Variants in TSHZ1 observed in about 807,000 individuals in gnomAD.
TSHZ1 encodes teashirt zinc finger homeobox 1, also known as teashirt homolog 1.
In TSHZ1, 12 loss-of-function variants were observed where a neutral mutation model predicts 67.1. The observed-to-expected ratio is 0.18, with a 90% CI of 0.11 to 0.29. The LOEUF (loss-of-function observed/expected upper bound fraction) is 0.29, where lower values mean the gene tolerates loss of function less well. Ranked by LOEUF, TSHZ1 falls within the 10% of genes least tolerant of loss-of-function variation. The pLI is 1.00. For synonymous variants in TSHZ1, 632 were observed against 622.4 expected (o/e 1.02, Z -0.23); for missense variants, 1,305 against 1,413.9 (o/e 0.92, Z 1.23).
Position 75,289,155 on chromosome 18 carries a change from TA to T in TSHZ1, c.*520del, listed in dbSNP as rs2023828383. On this transcript the variant is annotated 3_prime_UTR_variant, in exon 2 of 2. Coordinates refer to ENST00000580243, the MANE Select transcript of TSHZ1 (RefSeq NM_001308210.2). The stretch of plus-strand genomic sequence containing the variant: ...TCAGACACAAAACTTATTTAATAAT[TA>T]AAAAATGAGCTTTTATATGCAGAAC... The T allele has an allele frequency of 6.0e-6, 1 of 167,058 alleles. No individual in the cohort carries two copies. Among genetic ancestry groups the T allele is most frequent in the Admixed American group, 6.5e-5 (1 of 15,284 alleles). The allele number at this position is 167,058 out of a possible 1,614,324, so 10.3% of individuals were successfully genotyped here.
intron 1 of TSHZ1, among the ~76,000 whole-genome samples, chr18:75,231,389 G>A (rs1041368550): frequency 1.3e-5 from 2 of 152,160 alleles, no homozygotes; most frequent in African/African-American, 4.8e-5. Flanking sequence ...TCTGGCCTGG[G>A]GCTTCTCCCC....
rs975008159 is a variant in TSHZ1 at position 75,287,934 on chromosome 18, A to T, written c.2527A>T (p.Met843Leu). The T allele has an allele frequency of 1.6e-5, 26 of 1,614,096 alleles. No individual in the cohort carries two copies. Among genetic ancestry groups the T allele is most frequent in the Middle Eastern group, 1.6e-4 (1 of 6,084 alleles). The change falls in exon 2 of 2, where the codon ATG (methionine) becomes TTG (leucine). Residue 843 changes from methionine (M) to leucine (L), a missense_variant. By Grantham distance (15) the Met-to-Leu change is conservative. Transcript: ENST00000580243. The surrounding 1 kb of genome is among the most constrained non-coding windows in gnomAD (Gnocchi z 5.0). Reference sequence around the variant, plus strand: ...GAGCGCACTCATGGACATCTCCGACATGGTGAAAAACCTCACAGGCCGCCT... The same window carrying T: ...GAGCGCACTCATGGACATCTCCGACTTGGTGAAAAACCTCACAGGCCGCCT... ...RESALMDISD[M>L]VKNLTGRLTP...
In TSHZ1 at chr18:75,287,303, C is replaced by A; in HGVS notation, c.1896C>A (p.His632Gln). 2 of 1,614,134 alleles carry A rather than the reference C, an allele frequency of 1.2e-6. No individual in the cohort carries two copies. Among genetic ancestry groups the A allele is most frequent in the Non-Finnish European group, 1.7e-6 (2 of 1,180,026 alleles). Residue 632 changes from histidine (H) to glutamine (Q), a missense_variant, in exon 2 of 2, where the codon CAC becomes CAA. By Grantham distance (24) the His-to-Gln change is conservative. This residue lies in a region of TSHZ1 where 909 missense variants were observed against 961.8 expected (regional missense o/e 0.95). Coordinates refer to ENST00000580243, the MANE Select transcript of TSHZ1 (RefSeq NM_001308210.2). This position sits in a 1 kb window ranked among gnomAD's most constrained non-coding sequence, Gnocchi z 5.0. ...CAGGGAGCCTCACGCCCCCACCGCACAAGAGCAACGTGTCTGCCATGGAGG... is the reference window on the plus strand; with the variant it reads ...CAGGGAGCCTCACGCCCCCACCGCAAAAGAGCAACGTGTCTGCCATGGAGG... ...HSPGSLTPPP[H>Q]KSNVSAMEEL...
chr18:75,230,808 G>T (rs1319061847), intron 1 of TSHZ1, among the ~76,000 whole-genome samples: 1 of 152,174 alleles, frequency 6.6e-6, no homozygotes, highest in Non-Finnish European at 1.5e-5. Flanking sequence ...ACAAAGGAGG[G>T]TGTGGAAAAT....
intron 1 of TSHZ1, chr18:75,284,001 T>C (rs1015520642): frequency 7.2e-5 from 11 of 152,596 alleles, no homozygotes; most frequent in Admixed American, 4.6e-4. Flanking sequence ...GTCAGATGAA[T>C]GCATTTTAAT....
chr18:75,250,337 G>A (rs188567299), intron 1 of TSHZ1, among the ~76,000 whole-genome samples: 2 of 152,234 alleles, frequency 1.3e-5, no homozygotes, highest in African/African-American at 2.4e-5. Flanking sequence ...GCCCAGCCCC[G>A]GCAGGAGCTT....
chr18:75,271,945 G>T (rs17056771), intron 1 of TSHZ1, among the ~76,000 whole-genome samples: 1 of 152,098 alleles, frequency 6.6e-6, no homozygotes, highest in Admixed American at 6.5e-5. Context: ...TTCCTTCTCC[G>T]CTCGCTTCCT....
In TSHZ1 at chr18:75,288,905, G is replaced by T; in HGVS notation, c.*264G>T. 2.7e-6 allele frequency: 1 copy of T among 365,638 alleles called. No homozygotes were observed. The allele number at this position is 365,638 out of a possible 1,614,324, so 22.6% of individuals were successfully genotyped here. ...GCTATCTTTTGTAGGAAATAGTGGG[G>T]CACACTACTCAGAGACATTATTTAG... On this transcript the variant is annotated 3_prime_UTR_variant, in exon 2 of 2. Coordinates refer to ENST00000580243, the MANE Select transcript of TSHZ1 (RefSeq NM_001308210.2). This position sits in a 1 kb window ranked among gnomAD's most constrained non-coding sequence, Gnocchi z 4.9.
rs1425043288 is a variant in TSHZ1, at chr18:75,288,004, A to G, written c.2597A>G (p.Asp866Gly). 1.2e-6 allele frequency: 2 copies of G among 1,614,088 alleles called. No individual in the cohort carries two copies. Among genetic ancestry groups the G allele is most frequent in the Non-Finnish European group, 1.7e-6 (2 of 1,180,046 alleles). Residue 866 changes from aspartate (D) to glycine (G), a missense_variant, in exon 2 of 2, where the codon GAT becomes GGT. Transcript: ENST00000580243. This position sits in a 1 kb window ranked among gnomAD's most constrained non-coding sequence, Gnocchi z 4.9. ...STPSTVSEKSDADGSSFEEAL... is the reference protein window; with the variant it reads ...STPSTVSEKSGADGSSFEEAL... Reference sequence around the variant, plus strand: ...CCCTCCACAGTTTCAGAGAAGTCCGATGCTGATGGCAGCAGCTTTGAGGAG... The same window carrying G: ...CCCTCCACAGTTTCAGAGAAGTCCGGTGCTGATGGCAGCAGCTTTGAGGAG...
chr18:75,265,938 T>G (rs1371863973), intron 1 of TSHZ1, among the ~76,000 whole-genome samples: 1 of 152,194 alleles, frequency 6.6e-6, no homozygotes, highest in East Asian at 1.9e-4. Context: ...GGGAATCAGT[T>G]TACAAAAGTG....
chr18:75,222,992 G>A (rs10164148), intron 1 of TSHZ1, among the ~76,000 whole-genome samples: 3 of 152,028 alleles, frequency 2.0e-5, no homozygotes, highest in East Asian at 1.9e-4. Context: ...GGATCCTTCC[G>A]TTCATTTGTT....
At position 75,276,884 on chromosome 18, in the gene TSHZ1, G is replaced by T. The variant is rs1197487938; in HGVS notation, c.41-8564G>T. On this transcript the variant is annotated intron_variant, in intron 1 of 1. Coordinates refer to ENST00000580243, the MANE Select transcript of TSHZ1 (RefSeq NM_001308210.2). ...TTTGAACATCCATTCGTCTTTCACA[G>T]CCAGCTCTCACTTACGTGTGCTAAT... Among the ~76,000 whole-genome samples, 6 of 152,216 alleles carry T rather than the reference G, an allele frequency of 3.9e-5. No homozygotes were observed. The East Asian group carries it at 1.2e-3, about 29-fold the overall frequency.
intron 1 of TSHZ1, among the ~76,000 whole-genome samples, chr18:75,278,001 A>C (rs2023635468): frequency 6.6e-6 from 1 of 152,090 alleles, no homozygotes; most frequent in South Asian, 2.1e-4. Flanking sequence ...TCCAGACATC[A>C]AATCCGTACC....
At position 75,244,378 on chromosome 18, in the gene TSHZ1, C is replaced by T. The variant is rs117336310; in HGVS notation, c.40+32462C>T. 4.7e-3 allele frequency among the ~76,000 whole-genome samples: 710 copies of T among 152,342 alleles called. 13 individuals carry two copies. The highest frequency in any genetic ancestry group is 2.6e-3 in the Non-Finnish European group (178 of 68,028). On this transcript the variant is annotated intron_variant, in intron 1 of 1. Coordinates refer to ENST00000580243, the MANE Select transcript of TSHZ1 (RefSeq NM_001308210.2). ...AACCATTTTTGAGTGTCTGTCCTCT[C>T]CAAGGCATTCTACTGAACATTTTGA...
chr18:75,228,093 A>G (rs1012128805), intron 1 of TSHZ1, among the ~76,000 whole-genome samples: 7 of 152,222 alleles, frequency 4.6e-5, no homozygotes, highest in Non-Finnish European at 1.0e-4. Context: ...CAGGGGAGGG[A>G]CAACCTGAAA....
intron 1 of TSHZ1, among the ~76,000 whole-genome samples, chr18:75,223,223 C>T (rs117407934): frequency 3.5e-4 from 54 of 152,222 alleles, no homozygotes; most frequent in Non-Finnish European, 6.6e-4. Flanking sequence ...TATATAAATT[C>T]GTTTGTCTGT....
In TSHZ1 at chr18:75,287,193, G is replaced by A. The variant is rs139729915; in HGVS notation, c.1786G>A (p.Val596Met). 88 of 1,613,510 alleles carry A rather than the reference G, an allele frequency of 5.5e-5. 1 individual carries two copies. Among genetic ancestry groups the A allele is most frequent in the Admixed American group, 4.3e-4 (26 of 59,982 alleles). The change falls in exon 2 of 2, where the codon GTG (valine) becomes ATG (methionine). Residue 596 changes from valine to methionine, a missense_variant. Val to Met is a conservative substitution (Grantham distance 21). Transcript: ENST00000580243. The surrounding 1 kb of genome is among the most constrained non-coding windows in gnomAD (Gnocchi z 5.0). ...PGTVKPLPAA[V>M]QSVQVQPSYA... ...CACCGTGAAGCCACTGCCGGCGGCC[G>A]TGCAGAGCGTGCAGGTGCAGCCGTC... is the stretch of plus-strand genomic sequence containing the variant.
At chr18:75,226,991 C>T (rs1049502365) in intron 1 of TSHZ1, among the ~76,000 whole-genome samples, 5 of 152,172 alleles carry the variant, frequency 3.3e-5, no homozygotes, top group African/African-American at 1.2e-4. Context: ...TTGTTCCAAG[C>T]CCAGGAACAC....
chr18:75,243,986 T>C (rs544290290), intron 1 of TSHZ1, among the ~76,000 whole-genome samples: 2 of 152,290 alleles, frequency 1.3e-5, no homozygotes, highest in African/African-American at 2.4e-5. Context: ...AAAAAATACA[T>C]GATACATTTC....
Sources: allele counts gnomAD v4.1 joint callset (sites outside exome capture counted in the v4.1 genomes callset), GRCh38; gene constraint gnomAD v4.1.1; regional missense constraint gnomAD v4.1.1; non-coding constraint Gnocchi (gnomAD v3.1); transcripts MANE v1.5; gene names NCBI Gene and HGNC (gene_info 2026-07-23, HGNC 2026-07-21).